Variants in CAP2 observed in about 807,000 individuals in gnomAD.
The protein encoded by CAP2 is cyclase associated actin cytoskeleton regulatory protein 2.
A neutral mutation model predicts 57.7 loss-of-function variants in CAP2; 24 were observed. The observed-to-expected ratio is 0.42, with a 90% CI of 0.30 to 0.58. The LOEUF is 0.58. CAP2 is among the 20% of genes least tolerant of loss of function. The probability of loss-of-function intolerance (pLI) is 0.22; values close to 1 mark genes in which losing one functional copy is unlikely to be tolerated. For missense variants in CAP2, 501 were observed against 590.3 expected, an observed-to-expected ratio of 0.85 and a Z score of 1.57; for synonymous variants, 194 against 207.2, an observed-to-expected ratio of 0.94 and a Z score of 0.55.
In CAP2 at chr6:17,557,669, A is replaced by T. The variant is rs1763346045; in HGVS notation, c.*1227A>T. Reference sequence around the variant, plus strand: ...GTATTCAAATTATTAATGCTCATGTACCAAGGTTTTGCTATAAAAGTTTTG... The same window carrying T: ...GTATTCAAATTATTAATGCTCATGTTCCAAGGTTTTGCTATAAAAGTTTTG... On this transcript the variant is annotated 3_prime_UTR_variant, in exon 13 of 13. Transcript: ENST00000229922. The T allele has an allele frequency of 6.6e-6, 1 of 152,200 alleles. No homozygotes were observed. Among genetic ancestry groups the T allele is most frequent in the Non-Finnish European group, 1.5e-5 (1 of 68,034 alleles). 9.4% of individuals were successfully genotyped at this position (152,200 alleles called of 1,614,324 possible).
chr6:17,541,037 G>A lies in CAP2; in HGVS notation c.891G>A (p.Gly297=). 1 of 1,614,072 alleles carries A rather than the reference G, an allele frequency of 6.2e-7. No homozygotes were observed. The highest frequency in any genetic ancestry group is 8.5e-7 in the Non-Finnish European group (1 of 1,179,940). The part of the protein sequence containing the change: ...YKNPSLRAQG[G]QTQSPTKSHT... Reference sequence around the variant, plus strand: ...ATCCCAGCCTGCGGGCTCAAGGAGGGCAAACTCAATCTCCCACCAAAAGTC... The same window carrying A: ...ATCCCAGCCTGCGGGCTCAAGGAGGACAAACTCAATCTCCCACCAAAAGTC... Residue 297 remains glycine (G), a synonymous_variant, in exon 9 of 13, where the codon GGG becomes GGA. Coordinates refer to ENST00000229922, the MANE Select transcript of CAP2 (RefSeq NM_006366.3).
At chr6:17,427,308 C>T (rs58280250) in intron 3 of CAP2, among the ~76,000 whole-genome samples, 17,497 of 152,046 alleles carry the variant, frequency 0.12, 2,962 homozygotes, top group African/African-American at 0.37. Flanking sequence ...GTGAGGGACT[C>T]GGCTCTCCTT....
chr6:17,526,401 A>G (rs1762511441), intron 7 of CAP2, among the ~76,000 whole-genome samples: 1 of 152,050 alleles, frequency 6.6e-6, no homozygotes. Context: ...TACAGGCGTC[A>G]GCCACCGCAC....
intron 7 of CAP2, among the ~76,000 whole-genome samples, chr6:17,523,783 T>G (rs1018038154): frequency 6.6e-6 from 1 of 152,196 alleles, no homozygotes. Context: ...TGGAGGCAGA[T>G]GCAGTTTTAC....
chr6:17,402,060 A>G (rs779415548), intron 1 of CAP2, among the ~76,000 whole-genome samples: 1 of 152,220 alleles, frequency 6.6e-6, no homozygotes, highest in Non-Finnish European at 1.5e-5. Context: ...TGCATTTACT[A>G]TATGCAAAGG....
intron 11 of CAP2, among the ~76,000 whole-genome samples, chr6:17,548,020 A>C (rs1763089956): frequency 6.6e-6 from 1 of 152,036 alleles, no homozygotes; most frequent in African/African-American, 2.4e-5. Flanking sequence ...GTAGGGTATA[A>C]TATGAACATG....
chr6:17,529,327 T>C (rs2113685081), intron 7 of CAP2, among the ~76,000 whole-genome samples: 1 of 152,142 alleles, frequency 6.6e-6, no homozygotes, highest in South Asian at 2.1e-4. Flanking sequence ...TAGAAAGAAA[T>C]TAGTTTTGAC....
intron 1 of CAP2, among the ~76,000 whole-genome samples, chr6:17,419,757 C>A (rs185764763): frequency 0.016 from 2,453 of 152,170 alleles, 30 homozygotes; most frequent in Non-Finnish European, 0.029. Context: ...GATCTCAGCT[C>A]ACTGCAACCT....
At chr6:17,401,413 C>T (rs1261408851) in intron 1 of CAP2, among the ~76,000 whole-genome samples, 1 of 152,118 alleles carries the variant, frequency 6.6e-6, no homozygotes, top group Admixed American at 6.5e-5. Context: ...GTTACAGCAG[C>T]CTGAAAGAAA....
chr6:17,428,624 TGGGATG>T (rs1759648542), intron 3 of CAP2, among the ~76,000 whole-genome samples: 1 of 29,562 alleles, frequency 3.4e-5, no homozygotes, highest in Non-Finnish European at 6.3e-5. Flanking sequence ...GGGACTGTGG[TGGGATG>T]GGGGGAGGGG....
At chr6:17,477,975 C>T (rs1010588537) in intron 4 of CAP2, among the ~76,000 whole-genome samples, 5 of 147,998 alleles carry the variant, frequency 3.4e-5, no homozygotes, top group East Asian at 3.9e-4. Flanking sequence ...TTGCATTTTC[C>T]ACTTTTCATA....
rs543164757 is a variant in CAP2, at chr6:17,557,579, T to C, written c.*1137T>C. On this transcript the variant is annotated 3_prime_UTR_variant, in exon 13 of 13. Coordinates refer to ENST00000229922, the MANE Select transcript of CAP2 (RefSeq NM_006366.3). ...TGCAGGCCCAGTACAAGCATATATA[T>C]TGTGCCTCTTACAGCCTTTGGAATA... The C allele has an allele frequency of 1.3e-5, 2 of 152,328 alleles. No homozygotes were observed. Among genetic ancestry groups the C allele is most frequent in the South Asian group, 2.1e-4 (1 of 4,826 alleles). 9.4% of individuals were successfully genotyped at this position (152,328 alleles called of 1,614,324 possible). A position where few individuals can be genotyped will look rare whatever the true frequency, so the allele number is the denominator to read the frequency against.
chr6:17,449,867 C>T (rs1295510073), intron 3 of CAP2, among the ~76,000 whole-genome samples: 1 of 152,016 alleles, frequency 6.6e-6, no homozygotes, highest in African/African-American at 2.4e-5. Context: ...ATGCTTTAGG[C>T]TATTTGGTGA....
intron 3 of CAP2, among the ~76,000 whole-genome samples, chr6:17,438,811 G>A (rs578090275): frequency 6.8e-6 from 1 of 147,538 alleles, no homozygotes; most frequent in African/African-American, 2.5e-5. Context: ...AATGTGAGTT[G>A]TCATTTAAAA....
intron 4 of CAP2, among the ~76,000 whole-genome samples, chr6:17,475,228 A>T (rs1482270143): frequency 6.6e-6 from 1 of 151,876 alleles, no homozygotes; most frequent in East Asian, 1.9e-4. Flanking sequence ...AGCTAGGTTC[A>T]TGGATTACAG....
chr6:17,454,548 A>C (rs1052919602), intron 3 of CAP2, among the ~76,000 whole-genome samples: 31 of 152,094 alleles, frequency 2.0e-4, no homozygotes, highest in African/African-American at 7.5e-4. Context: ...GTAATCTCCC[A>C]TTATCATGGC....
intron 3 of CAP2, 55 bp downstream of exon 3, chr6:17,426,745 C>A: frequency 8.6e-7 from 1 of 1,160,426 alleles, no homozygotes; most frequent in Non-Finnish European, 1.3e-6. Flanking sequence ...CCAGCCCAGC[C>A]TCTGACAACG....
intron 7 of CAP2, among the ~76,000 whole-genome samples, chr6:17,523,482 GA>G (rs1231254338): frequency 6.6e-6 from 1 of 152,134 alleles, no homozygotes; most frequent in Admixed American, 6.6e-5. Context: ...TACGTGTTGG[GA>G]GTCATCTACC....
At chr6:17,478,633 A>G (rs1761215587) in intron 4 of CAP2, among the ~76,000 whole-genome samples, 1 of 152,004 alleles carries the variant, frequency 6.6e-6, no homozygotes, top group South Asian at 2.1e-4. Flanking sequence ...AAAAAAACCA[A>G]ACCAAACAAA....
Sources: allele counts gnomAD v4.1 joint callset (sites outside exome capture counted in the v4.1 genomes callset), GRCh38; gene constraint gnomAD v4.1.1; transcripts MANE v1.5; gene names NCBI Gene and HGNC (gene_info 2026-07-23, HGNC 2026-07-21).